The following ALLC variants were observed in gnomAD, a reference collection of about 807,000 sequenced individuals.
The protein encoded by ALLC is probable inactive allantoicase.
ALLC carries 40 observed loss-of-function variants against 45.0 expected under a neutral mutation model. The observed-to-expected ratio is 0.89, with a 90% CI of 0.69 to 1.16. The LOEUF is 1.16. ALLC is among the 50% of genes most tolerant of loss of function. ALLC has a pLI of 0.00. For missense variants in ALLC, 488 were observed against 493.1 expected, an observed-to-expected ratio of 0.99 and a Z score of 0.10; for synonymous variants, 176 against 178.1, an observed-to-expected ratio of 0.99 and a Z score of 0.09.
chr2:3,679,729 G>C, intron 4 of ALLC, 140 bp from the exon 5 acceptor site: 1 of 1,141,120 alleles, frequency 8.8e-7, no homozygotes. Context: ...TATTAGCTAA[G>C]AACCGCCCTG....
the ALLC span, among the ~76,000 whole-genome samples, chr2:3,648,932 G>T: frequency 6.6e-6 from 1 of 152,216 alleles, no homozygotes. Flanking sequence ...TACATGACAC[G>T]ATGTGTGTAG....
intron 1 of ALLC, among the ~76,000 whole-genome samples, chr2:3,662,257 G>A (rs115403142): frequency 6.6e-6 from 1 of 152,150 alleles, no homozygotes. Flanking sequence ...CTGTGGCTTC[G>A]TTATGTCTGC....
chr2:3,678,653 C>T (rs1408996281), intron 4 of ALLC, 98 bp downstream of exon 4: 1 of 909,754 alleles, frequency 1.1e-6, no homozygotes, highest in East Asian at 2.6e-5. Flanking sequence ...TCAGCTTTAA[C>T]ATGGGGCCCT....
chr2:3,669,072 C>G (rs1409856113), intron 1 of ALLC, among the ~76,000 whole-genome samples: 2 of 152,076 alleles, frequency 1.3e-5, no homozygotes, highest in Admixed American at 1.3e-4. Context: ...CACAGTGGCT[C>G]ACACATGTAA....
the ALLC span, among the ~76,000 whole-genome samples, chr2:3,647,689 G>A: frequency 6.6e-6 from 1 of 151,282 alleles, no homozygotes; most frequent in Non-Finnish European, 1.5e-5. Flanking sequence ...TGCCCCTGGG[G>A]GTTGCTCACA....
intron 1 of ALLC, among the ~76,000 whole-genome samples, chr2:3,659,957 C>T (rs1326690195): frequency 5.9e-5 from 9 of 152,236 alleles, no homozygotes; most frequent in Non-Finnish European, 1.3e-4. Context: ...TCCTTTCTCA[C>T]ATTTTTTTAT....
At chr2:3,669,243 G>T (rs1363695950) in intron 1 of ALLC, among the ~76,000 whole-genome samples, 1 of 152,164 alleles carries the variant, frequency 6.6e-6, no homozygotes, top group African/African-American at 2.4e-5. Flanking sequence ...GGAGGCCGAG[G>T]TGGGTGGATC....
chr2:3,657,032 A>G (rs1002156648), upstream of ALLC, among the ~76,000 whole-genome samples: 2 of 152,136 alleles, frequency 1.3e-5, no homozygotes, highest in South Asian at 4.1e-4. Context: ...ACTGCCAGGG[A>G]CGAAGCCACG....
At chr2:3,682,543 T>G (rs1225555310) in intron 6 of ALLC, among the ~76,000 whole-genome samples, 1 of 152,260 alleles carries the variant, frequency 6.6e-6, no homozygotes, top group African/African-American at 2.4e-5. Flanking sequence ...GTTTATTTTT[T>G]GGGACGGAGT....
At chr2:3,675,896 G>T (rs1161238407) in intron 3 of ALLC, among the ~76,000 whole-genome samples, 1 of 152,346 alleles carries the variant, frequency 6.6e-6, no homozygotes, top group African/African-American at 2.4e-5. Context: ...GGAAGTCTGA[G>T]ACCGAGCCTG....
intron 11 of ALLC, among the ~76,000 whole-genome samples, chr2:3,702,006 G>GATTTAGAT (rs1356426488): frequency 2.0e-5 from 3 of 152,138 alleles, no homozygotes; most frequent in African/African-American, 7.2e-5. Flanking sequence ...AGAGGGTCAG[G>GATTTAGAT]CTAGAGGTGA....
chr2:3,646,616 C>G, the ALLC span, among the ~76,000 whole-genome samples: 1 of 152,220 alleles, frequency 6.6e-6, no homozygotes, highest in South Asian at 2.1e-4. Context: ...GTGCCGCTGC[C>G]TCGCCTGCTG....
intron 3 of ALLC, among the ~76,000 whole-genome samples, chr2:3,676,197 C>G (rs1667021145): frequency 6.6e-6 from 1 of 152,174 alleles, no homozygotes; most frequent in Non-Finnish European, 1.5e-5. Flanking sequence ...CACTTAAATA[C>G]ACATATATTC....
intron 1 of ALLC, among the ~76,000 whole-genome samples, chr2:3,666,538 C>T (rs1469636740): frequency 2.0e-5 from 3 of 152,244 alleles, no homozygotes; most frequent in East Asian, 1.9e-4. Context: ...CACCCTTCGA[C>T]CCACAGCCTC....
chr2:3,665,594 G>A (rs1666684401), intron 1 of ALLC, among the ~76,000 whole-genome samples: 3 of 152,322 alleles, frequency 2.0e-5, no homozygotes, highest in African/African-American at 4.8e-5. Flanking sequence ...TTAGTTTGCT[G>A]AGGATAATGG....
At chr2:3,697,056 T>C (rs561837165) in intron 9 of ALLC, among the ~76,000 whole-genome samples, 1 of 152,306 alleles carries the variant, frequency 6.6e-6, no homozygotes. Flanking sequence ...TGGACTGGAA[T>C]AGACGAAGAT....
At chr2:3,688,047 TG>T (rs1348297454) in intron 7 of ALLC, 1 of 153,912 alleles carries the variant, frequency 6.5e-6, no homozygotes, top group African/African-American at 2.4e-5. Flanking sequence ...CCAAATTCAT[TG>T]TCATACCAGG....
chr2:3,684,139 C>G (rs1473512231), intron 7 of ALLC, among the ~76,000 whole-genome samples: 1 of 152,142 alleles, frequency 6.6e-6, no homozygotes, highest in East Asian at 1.9e-4. Context: ...TATGATAACT[C>G]TGTGTTTAAC....
At chr2:3,666,728 T>C (rs1467500511) in intron 1 of ALLC, among the ~76,000 whole-genome samples, 2 of 152,186 alleles carry the variant, frequency 1.3e-5, no homozygotes, top group African/African-American at 2.4e-5. Context: ...AGCCAGTCGG[T>C]AGGTTGTGTG....
Sources: gnomAD v4.1 joint callset for allele counts (sites outside exome capture counted in the v4.1 genomes callset) on GRCh38, gnomAD v4.1.1 for gene constraint, MANE v1.5 for transcripts, NCBI Gene and HGNC (gene_info 2026-07-23, HGNC 2026-07-21) for gene names.